Variants in CREM observed in about 807,000 individuals in gnomAD.
CREM encodes cAMP-responsive element modulator.
A neutral mutation model predicts 37.3 loss-of-function variants in CREM; 13 were observed. The observed-to-expected ratio is 0.35, with a 90% CI of 0.23 to 0.55. CREM has a LOEUF of 0.55. Among genes scored for constraint, CREM ranks in the 20% least tolerant of loss-of-function variants. CREM has a pLI of 0.88. For missense variants in CREM, 296 were observed against 362.3 expected (o/e 0.82, Z 1.49); for synonymous variants, 124 against 120.2 (o/e 1.03, Z -0.21).
intron 3 of CREM, among the ~76,000 whole-genome samples, chr10:35,170,102 A>G (rs1286910963): frequency 1.3e-5 from 2 of 151,820 alleles, no homozygotes; most frequent in Admixed American, 6.6e-5. Context: ...AGCTGGGACT[A>G]CAGGCACCCG....
chr10:35,133,356 G>A (rs1051265782), intron 1 of CREM, among the ~76,000 whole-genome samples: 14 of 149,140 alleles, frequency 9.4e-5, no homozygotes, highest in African/African-American at 3.5e-4. Flanking sequence ...CACCCAGGTT[G>A]GAGTGCAATG....
chr10:35,134,070 T>TTC (rs2089982813), intron 1 of CREM, among the ~76,000 whole-genome samples: 3 of 151,900 alleles, frequency 2.0e-5, no homozygotes, highest in African/African-American at 7.2e-5. Context: ...TTTTTTTTTT[T>TTC]CAAGACAGCT....
chr10:35,189,040 G>T (rs2094785959), intron 6 of CREM, among the ~76,000 whole-genome samples: 1 of 152,164 alleles, frequency 6.6e-6, no homozygotes, highest in African/African-American at 2.4e-5. Context: ...GTACCTAATA[G>T]ATTTCTATTA....
chr10:35,201,439 C>T, intron 6 of CREM: 1 of 1,551,400 alleles, frequency 6.4e-7, no homozygotes, highest in South Asian at 1.2e-5. Context: ...ATACTGTATC[C>T]CCATTTTACA....
chr10:35,137,959 T>G, intron 2 of CREM, 80 bp downstream of exon 2: 1 of 1,072,528 alleles, frequency 9.3e-7, no homozygotes, highest in South Asian at 1.6e-5. Flanking sequence ...GATATATAGA[T>G]GTACACATAC....
intron 3 of CREM, among the ~76,000 whole-genome samples, chr10:35,178,256 A>G (rs981619360): frequency 8.5e-5 from 13 of 152,164 alleles, no homozygotes; most frequent in African/African-American, 3.1e-4. Flanking sequence ...GAAAAATGAA[A>G]TCATGCTTAA....
intron 2 of CREM, among the ~76,000 whole-genome samples, chr10:35,143,417 A>G (rs531952155): frequency 6.9e-4 from 105 of 152,262 alleles, no homozygotes; most frequent in African/African-American, 2.5e-3. Context: ...GGGAGAGGGT[A>G]AGATGGGAGG....
chr10:35,163,450 G>A lies in CREM; in HGVS notation c.168+14959G>A, dbSNP rs117124767. 1.9e-3 allele frequency among the ~76,000 whole-genome samples: 286 copies of A among 152,136 alleles called. 4 individuals carry two copies. The East Asian group carries it at 0.033, about 17-fold the overall frequency. On this transcript the variant is annotated intron_variant, in intron 3 of 7. Coordinates refer to ENST00000685392, the MANE Select transcript of CREM (RefSeq NM_183011.2). Reference sequence around the variant, plus strand: ...TGTAATCCCAACACTTTGGGAGGCCGAGATGAGATGATTGCTTGAGCACAG... The same window carrying A: ...TGTAATCCCAACACTTTGGGAGGCCAAGATGAGATGATTGCTTGAGCACAG...
intron 1 of CREM, among the ~76,000 whole-genome samples, chr10:35,127,730 G>A (rs1247761933): frequency 6.6e-6 from 1 of 152,246 alleles, no homozygotes; most frequent in Non-Finnish European, 1.5e-5. Context: ...AGTGGGAAGG[G>A]CAGAGCCGCG....
intron 6 of CREM, among the ~76,000 whole-genome samples, chr10:35,196,864 A>C (rs75442487): frequency 1.8e-5 from 2 of 108,924 alleles, no homozygotes; most frequent in African/African-American, 6.7e-5. Context: ...AACGCTGTGT[A>C]CTTTTTTTTT....
intron 3 of CREM, among the ~76,000 whole-genome samples, chr10:35,172,804 A>G (rs919829342): frequency 2.6e-5 from 4 of 152,208 alleles, no homozygotes; most frequent in African/African-American, 4.8e-5. Flanking sequence ...GTTTTTCCAC[A>G]GAACGTCATT....
chr10:35,149,889 AACACACACACACACACACACACACACAC>A, intron 3 of CREM, among the ~76,000 whole-genome samples: 1 of 111,920 alleles, frequency 8.9e-6, no homozygotes, highest in East Asian at 2.7e-4. Flanking sequence ...CTTTTGCTTA[AACACACACACACACACACACACACACAC>A]ACACACACAC....
intron 6 of CREM, among the ~76,000 whole-genome samples, chr10:35,192,791 A>G (rs561074742): frequency 6.6e-6 from 1 of 152,336 alleles, no homozygotes; most frequent in East Asian, 1.9e-4. Flanking sequence ...TGGGGATACA[A>G]ACATTCAGTC....
chr10:35,161,435 A>C (rs1175878933), intron 3 of CREM, among the ~76,000 whole-genome samples: 1 of 151,048 alleles, frequency 6.6e-6, no homozygotes, highest in African/African-American at 2.4e-5. Context: ...CGGAGGTTGC[A>C]GTGAGCCGAG....
At chr10:35,160,074 A>G (rs1412358441) in intron 3 of CREM, among the ~76,000 whole-genome samples, 1 of 152,092 alleles carries the variant, frequency 6.6e-6, no homozygotes, top group African/African-American at 2.4e-5. Flanking sequence ...TCTTTGTGCA[A>G]ACATCTAGAG....
chr10:35,196,865 CTTTT>C (rs58503822), intron 6 of CREM, among the ~76,000 whole-genome samples: 4 of 108,940 alleles, frequency 3.7e-5, no homozygotes, highest in South Asian at 3.2e-4. Flanking sequence ...ACGCTGTGTA[CTTTT>C]TTTTTTTTTT....
intron 3 of CREM, among the ~76,000 whole-genome samples, chr10:35,150,693 C>T (rs1007798080): frequency 2.0e-5 from 3 of 151,854 alleles, no homozygotes; most frequent in South Asian, 2.1e-4. Context: ...TGGTGGCACA[C>T]GCCTGTAGTC....
intron 5 of CREM, among the ~76,000 whole-genome samples, chr10:35,182,945 G>A (rs12762493): frequency 0.37 from 56,243 of 152,004 alleles, 10,538 homozygotes; most frequent in African/African-American, 0.43. Context: ...CTTGCTGCAT[G>A]AGACAGTTAA....
chr10:35,136,622 C>T (rs11592925), intron 1 of CREM, among the ~76,000 whole-genome samples: 20,622 of 152,004 alleles, frequency 0.14, 1,590 homozygotes, highest in South Asian at 0.2. Flanking sequence ...GCCTACAGTT[C>T]CAAATTTGAC....
Sources: gnomAD v4.1 joint callset for allele counts (sites outside exome capture counted in the v4.1 genomes callset) on GRCh38, gnomAD v4.1.1 for gene constraint, MANE v1.5 for transcripts, NCBI Gene and HGNC (gene_info 2026-07-23, HGNC 2026-07-21) for gene names.